G6PC2: variants seen among roughly 807,000 people sequenced by gnomAD.
G6PC2 encodes glucose-6-phosphatase 2.
Under a neutral mutation model 35.4 loss-of-function variants are expected in G6PC2, and 41 were observed. The ratio of observed to expected loss-of-function variants is 1.16; its 90% CI spans 0.90 to 1.50. The LOEUF is 1.50. Among genes scored for constraint, G6PC2 ranks in the 40% most tolerant of loss-of-function variants. G6PC2 has a pLI of 0.00. For missense variants in G6PC2, 441 were observed against 426.5 expected (o/e 1.03, Z -0.30); for synonymous variants, 165 against 153.2 (o/e 1.08, Z -0.57).
Position 168,907,963 on chromosome 2 carries a change from CA to C in G6PC2, c.953del (p.His318LeufsTer16), listed in dbSNP as rs1690754355. On this transcript the variant is annotated frameshift_variant, in exon 5 of 5. Coordinates refer to ENST00000375363, the MANE Select transcript of G6PC2 (RefSeq NM_021176.3). LOFTEE classifies it high-confidence loss of function. ...HFLQIPTHEE[H>X]LFYVLSFCKS... Reference sequence around the variant, plus strand: ...CCTCCAGATCCCGACTCACGAAGAGCATTTATTTTATGTGCTGTCTTTTTGT... The same window carrying C: ...CCTCCAGATCCCGACTCACGAAGAGCTTTATTTTATGTGCTGTCTTTTTGT... 1.2e-5 allele frequency: 20 copies of C among 1,614,014 alleles called. No homozygotes were observed. Among genetic ancestry groups the C allele is most frequent in the Non-Finnish European group, 1.5e-5 (18 of 1,179,874 alleles).
rs200209530 is a variant in G6PC2 at position 168,904,560 on chromosome 2, C to T, written c.384C>T (p.Thr128=). The stretch of plus-strand genomic sequence containing the variant: ...CCTGTGTCTGGTATGTCATGGTAAC[C>T]GCTGCCCTGAGCCACACTGTCTGTG... The part of the protein sequence containing the change: ...GASCVWYVMV[T]AALSHTVCGM... The change falls in exon 3 of 5, where the codon ACC becomes ACT. Residue 128 remains threonine (T), a synonymous_variant. Coordinates refer to ENST00000375363, the MANE Select transcript of G6PC2 (RefSeq NM_021176.3). 28 of 1,612,802 alleles carry T rather than the reference C, an allele frequency of 1.7e-5. No individual in the cohort carries two copies. Among genetic ancestry groups the T allele is most frequent in the Middle Eastern group, 1.7e-4 (1 of 6,056 alleles).
Position 168,906,697 on chromosome 2 carries a change from G to A in G6PC2, c.474G>A (p.Trp158Ter), listed in dbSNP as rs777268524. 7.5e-6 allele frequency: 12 copies of A among 1,603,460 alleles called. No individual in the cohort carries two copies. The African/African-American group carries it at 1.1e-4, about 14-fold the overall frequency. The change falls in exon 4 of 5, where the codon TGG (tryptophan) becomes TGA (stop). Residue 158 changes from tryptophan (W) to a stop codon, truncating the protein, a stop_gained. Transcript: ENST00000375363. LOFTEE classifies it high-confidence loss of function. ...GGTCATTTCTTTGGAGTGTTTTTTGGTTGATTCAAATCAGTGTCTGCATCT... is the reference window on the plus strand; with the variant it reads ...GGTCATTTCTTTGGAGTGTTTTTTGATTGATTCAAATCAGTGTCTGCATCT... Reference protein sequence around the residue: ...LTWSFLWSVFWLIQISVCISR... With the variant: ...LTWSFLWSVF
At chr2:168,904,688 T>C (rs1690670528) in intron 3 of G6PC2, 72 bp downstream of exon 3, 4 of 847,958 alleles carry the variant, frequency 4.7e-6, no homozygotes, top group African/African-American at 1.7e-5. Flanking sequence ...GTCTAAAAAT[T>C]AATTTTAGTG....
At chr2:168,901,617 A>G in intron 1 of G6PC2, 68 bp downstream of exon 1, 3 of 822,886 alleles carry the variant, frequency 3.6e-6, no homozygotes, top group South Asian at 1.4e-5. Flanking sequence ...CGGCATAATG[A>G]TCACATTTCA....
rs987173277 is a variant in G6PC2, at chr2:168,908,348, G to A, written c.*269G>A. 2 of 525,814 alleles carry A rather than the reference G, an allele frequency of 3.8e-6. No homozygotes were observed. The highest frequency in any genetic ancestry group is 6.8e-6 in the Non-Finnish European group (2 of 293,480). The allele number at this position is 525,814 out of a possible 1,614,324, so 32.6% of individuals were successfully genotyped here. ...AAATCTGATAGTATGACAACACAGAGCCTGCATCCCCAGCTGGAGACAACT... is the reference window on the plus strand; with the variant it reads ...AAATCTGATAGTATGACAACACAGAACCTGCATCCCCAGCTGGAGACAACT... On this transcript the variant is annotated 3_prime_UTR_variant, in exon 5 of 5. Coordinates refer to ENST00000375363, the MANE Select transcript of G6PC2 (RefSeq NM_021176.3).
In G6PC2 at chr2:168,904,567, C is replaced by G; in HGVS notation, c.391C>G (p.Leu131Val). 1 of 1,612,426 alleles carries G rather than the reference C, an allele frequency of 6.2e-7. No individual in the cohort carries two copies. Among genetic ancestry groups the G allele is most frequent in the Non-Finnish European group, 8.5e-7 (1 of 1,178,456 alleles). Residue 131 changes from leucine (L) to valine (V), a missense_variant, in exon 3 of 5, where the codon CTG (leucine) becomes GTG (valine). By Grantham distance (32) the Leu-to-Val change is conservative. Transcript: ENST00000375363. ...CVWYVMVTAA[L>V]SHTVCGMDKF... is the part of the protein sequence containing the mutation. ...CTGGTATGTCATGGTAACCGCTGCC[C>G]TGAGCCACACTGTCTGTGGGATGGA...
intron 1 of G6PC2, 133 bp from the exon 2 acceptor site, chr2:168,902,307 TCAAAG>T: frequency 1.6e-6 from 1 of 637,344 alleles, no homozygotes; most frequent in Admixed American, 2.5e-5. Flanking sequence ...CTAAGTTTTT[TCAAAG>T]TCTCTTAATC....
At chr2:168,904,335 T>G (rs544559774) in intron 2 of G6PC2, among the ~76,000 whole-genome samples, 170 bp from the exon 3 acceptor site, 1 of 152,290 alleles carries the variant, frequency 6.6e-6, no homozygotes, top group East Asian at 1.9e-4. Flanking sequence ...AGGCTCAATT[T>G]AACTCAATTT....
Position 168,901,316 on chromosome 2 carries a change from T to C in G6PC2, c.-16T>C, listed in dbSNP as rs757770113. On this transcript the variant is annotated 5_prime_UTR_variant, in exon 1 of 5. Coordinates refer to ENST00000375363, the MANE Select transcript of G6PC2 (RefSeq NM_021176.3). ...AGCTCCAATTGCTCTATGTTTAGAA[T>C]TGCCTCTTTTTCAAGATGGATTTCC... 3 of 1,405,832 alleles carry C rather than the reference T, an allele frequency of 2.1e-6. No homozygotes were observed. The highest frequency in any genetic ancestry group is 1.7e-5 in the Admixed American group (1 of 59,754). 87.1% of individuals were successfully genotyped at this position (1,405,832 alleles called of 1,614,324 possible). A position where few individuals can be genotyped will look rare whatever the true frequency, so the allele number is the denominator to read the frequency against.
At position 168,902,517 on chromosome 2, in the gene G6PC2, C is replaced by T. The variant is rs550648862; in HGVS notation, c.291C>T (p.Cys97=). 4.2e-5 allele frequency: 66 copies of T among 1,571,588 alleles called. 1 individual carries two copies. In the South Asian group the frequency reaches 7.1e-4, roughly 17 times the overall value. The change falls in exon 2 of 5, where the codon TGC becomes TGT. Residue 97 remains cysteine (C), a synonymous_variant. Transcript: ENST00000375363. ...TQIYPNHSSP[C]LEQFPTTCET... is the part of the protein sequence containing the mutation. ...TTTACCCAAATCACTCAAGTCCATG[C>T]CTTGAACAGTTCCCTACTACATGTG...
intron 4 of G6PC2, 135 bp downstream of exon 4, chr2:168,906,914 C>T (rs932909648): frequency 1.4e-6 from 1 of 711,920 alleles, no homozygotes; most frequent in African/African-American, 1.7e-5. Flanking sequence ...ATACTAAATG[C>T]TACCCCGGGA....
intron 4 of G6PC2, among the ~76,000 whole-genome samples, chr2:168,907,054 A>G (rs1690728272): frequency 6.6e-6 from 1 of 152,192 alleles, no homozygotes; most frequent in Non-Finnish European, 1.5e-5. Flanking sequence ...CTAACTCCCA[A>G]ACCATCACTT....
Position 168,904,569 on chromosome 2 carries a change from G to C in G6PC2, c.393G>C (p.Leu131=), listed in dbSNP as rs772817407. ...GGTATGTCATGGTAACCGCTGCCCT[G>C]AGCCACACTGTCTGTGGGATGGATA... is the stretch of plus-strand genomic sequence containing the variant. ...CVWYVMVTAA[L]SHTVCGMDKF... is the part of the protein sequence containing the mutation. The change falls in exon 3 of 5, where the codon CTG becomes CTC. Residue 131 remains leucine, a synonymous_variant. Transcript: ENST00000375363. 1.9e-6 allele frequency: 3 copies of C among 1,612,508 alleles called. No homozygotes were observed. In the African/African-American group the frequency reaches 4.0e-5, roughly 22 times the overall value.
intron 2 of G6PC2, among the ~76,000 whole-genome samples, 162 bp from the exon 3 acceptor site, chr2:168,904,343 T>G (rs1402427244): frequency 1.3e-5 from 2 of 152,158 alleles, no homozygotes; most frequent in Non-Finnish European, 2.9e-5. Context: ...TTTAACTCAA[T>G]TTTTCTTATT....
In G6PC2 at chr2:168,907,777, T is replaced by C. The variant is rs150538801; in HGVS notation, c.766T>C (p.Phe256Leu). ...PDWIHIDTTP[F>L]AGLVRNLGVL... Reference sequence around the variant, plus strand: ...CTGGATCCACATTGACACCACGCCTTTTGCTGGACTCGTGAGAAACCTTGG... The same window carrying C: ...CTGGATCCACATTGACACCACGCCTCTTGCTGGACTCGTGAGAAACCTTGG... Residue 256 changes from phenylalanine to leucine, a missense_variant, in exon 5 of 5, where the codon TTT becomes CTT. Physicochemically the swap from Phe to Leu is conservative, Grantham distance 22. Transcript: ENST00000375363. The C allele has an allele frequency of 4.2e-4, 676 of 1,614,084 alleles. 1 individual carries two copies. The highest frequency in any genetic ancestry group is 6.7e-4 in the South Asian group (61 of 91,074).
chr2:168,907,073 G>A (rs1202515619), intron 4 of G6PC2, among the ~76,000 whole-genome samples: 3 of 152,184 alleles, frequency 2.0e-5, no homozygotes, highest in Non-Finnish European at 4.4e-5. Flanking sequence ...TTCAGACAGT[G>A]TGCTTGTGTC....
At chr2:168,901,637 C>T (rs6715133) in intron 1 of G6PC2, 88 bp downstream of exon 1, 12,896 of 735,344 alleles carry the variant, frequency 0.018, 342 homozygotes, top group East Asian at 0.073. Flanking sequence ...AGATGTATAT[C>T]GTTTTACTTG....
In G6PC2 at chr2:168,904,504, G is replaced by T. The variant is rs1024682654; in HGVS notation, c.329-1G>T. 1 of 1,548,580 alleles carries T rather than the reference G, an allele frequency of 6.5e-7. No individual in the cohort carries two copies. Among genetic ancestry groups the T allele is most frequent in the Non-Finnish European group, 8.9e-7 (1 of 1,120,454 alleles). On this transcript the variant is annotated splice_acceptor_variant, in intron 2 of 4. Coordinates refer to ENST00000375363, the MANE Select transcript of G6PC2 (RefSeq NM_021176.3). LOFTEE classifies it high-confidence loss of function. ...AATGGACGGACACTTTGTTGTTGCA[G>T]GAAGTCCATCTGGCCATGCAATGGG...
chr2:168,903,762 G>A (rs544562686), intron 2 of G6PC2, among the ~76,000 whole-genome samples: 62 of 152,298 alleles, frequency 4.1e-4, no homozygotes, highest in African/African-American at 1.4e-3. Flanking sequence ...TATTTAATTT[G>A]AATGAACTAC....
Sources: gnomAD v4.1 joint callset for allele counts (sites outside exome capture counted in the v4.1 genomes callset) on GRCh38, gnomAD v4.1.1 for gene constraint, MANE v1.5 for transcripts, NCBI Gene and HGNC (gene_info 2026-07-23, HGNC 2026-07-21) for gene names.